Variants in ZNF423 observed in about 807,000 individuals in gnomAD.
ZNF423 encodes the protein Ebf-associated zinc finger protein.
ZNF423 carries 12 observed loss-of-function variants against 95.8 expected under a neutral mutation model. The observed-to-expected ratio is 0.13, with a 90% CI of 0.08 to 0.20. ZNF423 has a LOEUF of 0.20. Ranked by LOEUF, ZNF423 falls within the 10% of genes least tolerant of loss-of-function variation. The pLI, the probability that ZNF423 is intolerant of heterozygous loss-of-function variation, is 1.00. For synonymous variants in ZNF423, 749 were observed against 711.9 expected, an observed-to-expected ratio of 1.05 and a Z score of -0.83; for missense variants, 1,316 against 1,737.1, an observed-to-expected ratio of 0.76 and a Z score of 4.31.
At chr16:49,541,102 C>T (rs76275731) in intron 5 of ZNF423, among the ~76,000 whole-genome samples, 1 of 152,272 alleles carries the variant, frequency 6.6e-6, no homozygotes, top group East Asian at 1.9e-4. Flanking sequence ...CAGGGACTCC[C>T]GCTCTCTGCA....
intron 5 of ZNF423, among the ~76,000 whole-genome samples, chr16:49,528,170 G>A (rs1036693512): frequency 6.6e-6 from 1 of 151,942 alleles, no homozygotes; most frequent in Non-Finnish European, 1.5e-5. Flanking sequence ...GAATGGCGAC[G>A]GGCCCATCTG....
rs1435699014 is a variant in ZNF423 at position 49,492,637 on chromosome 16, G to A, written c.3850-1333C>T. On this transcript the variant is annotated intron_variant, in intron 7 of 7. Coordinates refer to ENST00000563137, the MANE Select transcript of ZNF423 (RefSeq NM_001379286.1). The surrounding 1 kb of genome is among the most constrained non-coding windows in gnomAD (Gnocchi z 4.2). ...TCCCGGCCGGGAAGAGGCAGCCCGC[G>A]CCTGCCTCCCAGCAGATGCCCACAG... Among the ~76,000 whole-genome samples the A allele has an allele frequency of 6.6e-6, 1 of 152,198 alleles. No individual in the cohort carries two copies. The highest frequency in any genetic ancestry group is 1.9e-4 in the East Asian group (1 of 5,184).
intron 3 of ZNF423, among the ~76,000 whole-genome samples, chr16:49,702,089 C>A (rs898121879): frequency 6.6e-6 from 1 of 152,184 alleles, no homozygotes; most frequent in Non-Finnish European, 1.5e-5. Flanking sequence ...AGGGGATGCC[C>A]GCAATAGAAA....
intron 5 of ZNF423, among the ~76,000 whole-genome samples, chr16:49,614,219 A>G (rs11076487): frequency 0.81 from 123,114 of 152,264 alleles, 50,536 homozygotes; most frequent in African/African-American, 0.95. Context: ...TTAGCCATTA[A>G]GGAAATGCAA....
chr16:49,843,453 C>T (rs542647573), intron 1 of ZNF423, among the ~76,000 whole-genome samples: 1 of 152,084 alleles, frequency 6.6e-6, no homozygotes, highest in African/African-American at 2.4e-5. Flanking sequence ...TATGGTGGAG[C>T]CCAGGTAATG....
chr16:49,586,023 T>C (rs1970819456), intron 5 of ZNF423, among the ~76,000 whole-genome samples: 1 of 152,018 alleles, frequency 6.6e-6, no homozygotes, highest in African/African-American at 2.4e-5. Flanking sequence ...CATTTCCTCA[T>C]CTGTAAAATG....
At chr16:49,822,530 A>G in intron 1 of ZNF423, 2 of 582,146 alleles carry the variant, frequency 3.4e-6, no homozygotes, top group Non-Finnish European at 5.8e-6. Flanking sequence ...TTGCTCCTTC[A>G]TCCTCCCCAG....
intron 1 of ZNF423, chr16:49,827,036 T>C (rs765439881): frequency 1.3e-4 from 20 of 152,208 alleles, no homozygotes; most frequent in Non-Finnish European, 2.4e-4. Flanking sequence ...AGTATTCTTA[T>C]CTGCTGCAAT....
At chr16:49,508,139 T>A (rs57071186) in intron 7 of ZNF423, among the ~76,000 whole-genome samples, 2 of 152,164 alleles carry the variant, frequency 1.3e-5, no homozygotes, top group African/African-American at 4.8e-5. Flanking sequence ...CAAATGTTTT[T>A]ATGCCTACCA....
At chr16:49,609,189 C>A (rs1169784031) in intron 5 of ZNF423, among the ~76,000 whole-genome samples, 3 of 152,108 alleles carry the variant, frequency 2.0e-5, no homozygotes, top group Non-Finnish European at 4.4e-5. Context: ...TCTACCCACA[C>A]CTGGCAGTAG....
intron 3 of ZNF423, among the ~76,000 whole-genome samples, chr16:49,703,260 T>C (rs1030634934): frequency 3.3e-5 from 5 of 152,234 alleles, no homozygotes; most frequent in South Asian, 2.1e-4. Flanking sequence ...CTTTTTGAAC[T>C]GTACTCTATC....
intron 7 of ZNF423, among the ~76,000 whole-genome samples, chr16:49,500,801 G>A (rs548874515): frequency 4.0e-5 from 6 of 151,766 alleles, no homozygotes; most frequent in Admixed American, 2.0e-4. Flanking sequence ...CCAGCTACTC[G>A]GATGGCTGAG....
At chr16:49,709,382 A>G (rs369898965) in intron 3 of ZNF423, among the ~76,000 whole-genome samples, 13 of 151,948 alleles carry the variant, frequency 8.6e-5, no homozygotes, top group African/African-American at 3.1e-4. Context: ...CTTCACAATG[A>G]CATCATCTTA....
chr16:49,702,567 C>T (rs1368785837), intron 3 of ZNF423, among the ~76,000 whole-genome samples: 1 of 152,196 alleles, frequency 6.6e-6, no homozygotes, highest in Non-Finnish European at 1.5e-5. Flanking sequence ...GCTGGCGGGC[C>T]CCTCACCTCC....
At chr16:49,859,036 G>A (rs1367610549), upstream of ZNF423, among the ~76,000 whole-genome samples, 3 of 152,220 alleles carry the variant, frequency 2.0e-5, no homozygotes, top group East Asian at 5.8e-4. Context: ...TTTCTGGGGG[G>A]CTGGAGATTG....
chr16:49,750,598 A>G (rs2033616399), intron 2 of ZNF423, among the ~76,000 whole-genome samples: 1 of 152,088 alleles, frequency 6.6e-6, no homozygotes, highest in African/African-American at 2.4e-5. Flanking sequence ...CTCACAAAAC[A>G]CTCACGGAGA....
chr16:49,857,069 G>T (rs1471013176), upstream of ZNF423, among the ~76,000 whole-genome samples: 1 of 150,460 alleles, frequency 6.6e-6, no homozygotes, highest in Non-Finnish European at 1.5e-5. The surrounding 1 kb of genome is among the most constrained non-coding windows in gnomAD (Gnocchi z 6.2). Flanking sequence ...TCCTCCTCCC[G>T]ATCCGGCTGC....
In ZNF423 at chr16:49,794,021, G is replaced by GTC. The variant is rs5816660; in HGVS notation, c.41-4477_41-4476dup. On this transcript the variant is annotated intron_variant, in intron 1 of 7. Transcript: ENST00000563137. ...GACCTCTCTGTCTCTGTCTGTCTCT[G>GTC]TCTCTCTCTCTCTCTCTCTCTCTCT... 9.2e-3 allele frequency among the ~76,000 whole-genome samples: 1,374 copies of GTC among 148,650 alleles called. 22 individuals carry two copies. Among genetic ancestry groups the GTC allele is most frequent in the East Asian group, 0.068 (337 of 4,952 alleles).
chr16:49,632,500 C>T lies in ZNF423; in HGVS notation c.3516+3160G>A, dbSNP rs548903759. On this transcript the variant is annotated intron_variant, in intron 4 of 7. Coordinates refer to ENST00000563137, the MANE Select transcript of ZNF423 (RefSeq NM_001379286.1). ...TCTGCAATGGCCCATCTCCCCAGGC[C>T]TCCAGGCAGGCAGAGCCATGATTTT... 2.6e-5 allele frequency among the ~76,000 whole-genome samples: 4 copies of T among 152,170 alleles called. No individual in the cohort carries two copies. In the South Asian group the frequency reaches 8.3e-4, roughly 32 times the overall value.
Sources: gnomAD v4.1 joint callset for allele counts (sites outside exome capture counted in the v4.1 genomes callset) on GRCh38, gnomAD v4.1.1 for gene constraint, Gnocchi (gnomAD v3.1) non-coding constraint, MANE v1.5 for transcripts, NCBI Gene and HGNC (gene_info 2026-07-23, HGNC 2026-07-21) for gene names.